DAW1: variants seen among roughly 807,000 people sequenced by gnomAD.
The protein encoded by DAW1 is dynein assembly factor with WD repeat domains 1.
DAW1 carries 47 observed loss-of-function variants against 56.5 expected under a neutral mutation model. That is an observed-to-expected ratio of 0.83 (90% CI 0.66 to 1.06). The LOEUF is 1.06. Ranked by LOEUF, DAW1 falls within the 50% of genes least tolerant of loss-of-function variation. The probability of loss-of-function intolerance (pLI) is 0.00; values close to 1 mark genes in which losing one functional copy is unlikely to be tolerated. For missense variants in DAW1, 505 were observed against 499.3 expected, an observed-to-expected ratio of 1.01 and a Z score of -0.11; for synonymous variants, 190 against 179.0, an observed-to-expected ratio of 1.06 and a Z score of -0.49.
chr2:227,912,957 A>T (rs180942367), intron 10 of DAW1, among the ~76,000 whole-genome samples: 52 of 152,308 alleles, frequency 3.4e-4, no homozygotes, highest in Admixed American at 7.9e-4. Context: ...TGACAGCTAT[A>T]TGTTGTACAA....
rs555546707 is a variant in DAW1 at position 227,922,901 on chromosome 2, G to A, written c.1214-1033G>A. 7.9e-5 allele frequency among the ~76,000 whole-genome samples: 12 copies of A among 152,300 alleles called. No individual in the cohort carries two copies. The East Asian group carries it at 2.1e-3, about 27-fold the overall frequency. The stretch of plus-strand genomic sequence containing the variant: ...AAGAGGTGAGGGGCTATGATGGAGG[G>A]CACAGGGCGCTCCTGCAGGGAGTGA... On this transcript the variant is annotated intron_variant, in intron 12 of 12. Transcript: ENST00000309931.
At chr2:227,876,851 A>G (rs1006019030) in intron 1 of DAW1, among the ~76,000 whole-genome samples, 4 of 152,238 alleles carry the variant, frequency 2.6e-5, no homozygotes, top group Non-Finnish European at 4.4e-5. Flanking sequence ...CTCAGTTATG[A>G]CAATTTTTGT....
chr2:227,905,826 C>T (rs567678181), intron 8 of DAW1, among the ~76,000 whole-genome samples: 1 of 152,314 alleles, frequency 6.6e-6, no homozygotes, highest in East Asian at 1.9e-4. Flanking sequence ...GTGATCTCGG[C>T]TCACTGCAAG....
At chr2:227,907,917 A>T (rs774252999) in intron 10 of DAW1, among the ~76,000 whole-genome samples, 44 of 152,272 alleles carry the variant, frequency 2.9e-4, no homozygotes, top group Non-Finnish European at 5.3e-4. Flanking sequence ...ATGGTGCTAT[A>T]ATCTCCTTTA....
Position 227,895,780 on chromosome 2 carries a change from G to A in DAW1, c.440+1863G>A, listed in dbSNP as rs907109518. Among the ~76,000 whole-genome samples the A allele has an allele frequency of 3.9e-5, 6 of 152,176 alleles. No homozygotes were observed. In the East Asian group the frequency reaches 1.2e-3, roughly 29 times the overall value. On this transcript the variant is annotated intron_variant, in intron 5 of 12. Coordinates refer to ENST00000309931, the MANE Select transcript of DAW1 (RefSeq NM_178821.3). ...GCCATCAAGGATTTGGGAACAAAAA[G>A]GGGAAAAATGAAAGTGATGTTTTAA...
chr2:227,918,676 G>C, intron 10 of DAW1, 104 bp from the exon 11 acceptor site: 1 of 1,235,566 alleles, frequency 8.1e-7, no homozygotes, highest in Non-Finnish European at 1.2e-6. Context: ...ACTTAGCACA[G>C]AGCTCGTGTG....
chr2:227,891,460 T>G, intron 4 of DAW1, 147 bp downstream of exon 4: 1 of 664,752 alleles, frequency 1.5e-6, no homozygotes, highest in Middle Eastern at 3.8e-4. Flanking sequence ...TATAAACCCT[T>G]TCTCCCACTC....
At chr2:227,891,765 C>T (rs1691272154) in intron 4 of DAW1, among the ~76,000 whole-genome samples, 1 of 152,174 alleles carries the variant, frequency 6.6e-6, no homozygotes. Context: ...TCTTGACCTA[C>T]AGACATAAAA....
intron 11 of DAW1, 62 bp from the exon 12 acceptor site, chr2:227,921,330 TTTTGCTG>T: frequency 3.3e-5 from 15 of 460,300 alleles, no homozygotes; most frequent in East Asian, 2.4e-4. Context: ...TTTTTTTTTT[TTTTGCTG>T]ATAAGAAATG....
intron 10 of DAW1, among the ~76,000 whole-genome samples, chr2:227,917,152 CTG>C (rs1691972487): frequency 1.4e-5 from 2 of 146,552 alleles, no homozygotes; most frequent in South Asian, 4.2e-4. Flanking sequence ...ATCTGTCTGT[CTG>C]TCTGTCTGTC....
At chr2:227,897,526 G>C (rs1691439860) in intron 5 of DAW1, among the ~76,000 whole-genome samples, 1 of 152,198 alleles carries the variant, frequency 6.6e-6, no homozygotes. Flanking sequence ...TTGTAAGCCA[G>C]GGTTAAAAGA....
At chr2:227,900,132 A>G (rs536349242) in intron 6 of DAW1, among the ~76,000 whole-genome samples, 13 of 152,328 alleles carry the variant, frequency 8.5e-5, no homozygotes, top group African/African-American at 2.9e-4. Flanking sequence ...ATAGACAGGT[A>G]TTAGCTTAGT....
chr2:227,891,141 G>T, intron 3 of DAW1, 114 bp from the exon 4 acceptor site: 1 of 863,966 alleles, frequency 1.2e-6, no homozygotes. Context: ...ATCAGATATT[G>T]CCTGTTTCTG....
chr2:227,911,079 C>A (rs1691802603), intron 10 of DAW1, among the ~76,000 whole-genome samples: 1 of 151,578 alleles, frequency 6.6e-6, no homozygotes, highest in Admixed American at 6.6e-5. Flanking sequence ...GAGCCATATC[C>A]TTGACAATTG....
chr2:227,900,317 A>G (rs1161553894), intron 6 of DAW1, among the ~76,000 whole-genome samples: 1 of 152,200 alleles, frequency 6.6e-6, no homozygotes, highest in Non-Finnish European at 1.5e-5. Context: ...TTCTTTAGAT[A>G]TAATTCCTAG....
chr2:227,915,825 C>T (rs549976848), intron 10 of DAW1, among the ~76,000 whole-genome samples: 6 of 152,220 alleles, frequency 3.9e-5, no homozygotes, highest in Admixed American at 3.9e-4. Context: ...ACTGTATCTA[C>T]TTCCTCTTCT....
chr2:227,922,705 G>A (rs935070959), intron 12 of DAW1, among the ~76,000 whole-genome samples: 1 of 152,190 alleles, frequency 6.6e-6, no homozygotes, highest in African/African-American at 2.4e-5. Flanking sequence ...TGCCTCCCCA[G>A]TCTACTTAAT....
chr2:227,872,691 A>G (rs1162856020), intron 1 of DAW1, among the ~76,000 whole-genome samples: 1 of 65,650 alleles, frequency 1.5e-5, no homozygotes, highest in East Asian at 6.6e-4. Context: ...TGCCTCCCCC[A>G]CCCCCCCAAC....
chr2:227,892,591 C>T (rs1055551777), intron 4 of DAW1, among the ~76,000 whole-genome samples: 1 of 152,094 alleles, frequency 6.6e-6, no homozygotes, highest in Admixed American at 6.6e-5. Flanking sequence ...GTTGCAAATG[C>T]GAGTTTGCAT....
Sources: gnomAD v4.1 joint callset for allele counts (sites outside exome capture counted in the v4.1 genomes callset) on GRCh38, gnomAD v4.1.1 for gene constraint, MANE v1.5 for transcripts, NCBI Gene and HGNC (gene_info 2026-07-23, HGNC 2026-07-21) for gene names.